TBC1D20: variants seen among roughly 807,000 people sequenced by gnomAD.
TBC1D20 encodes the protein chromosome 20 open reading frame 140.
In TBC1D20, 12 loss-of-function variants were observed where a neutral mutation model predicts 41.6. The ratio of observed to expected loss-of-function variants is 0.29; its 90% CI spans 0.18 to 0.47. The LOEUF (loss-of-function observed/expected upper bound fraction) is 0.47. Ranked by LOEUF, TBC1D20 falls within the 20% of genes least tolerant of loss-of-function variation. The pLI is 1.00. For missense variants in TBC1D20, 421 were observed against 517.4 expected (o/e 0.81, Z 1.81); for synonymous variants, 205 against 204.8 (o/e 1.00, Z -0.01).
intron 2 of TBC1D20, 52 bp from the exon 3 acceptor site, chr20:445,182 G>C: frequency 7.1e-7 from 1 of 1,401,664 alleles, no homozygotes; most frequent in Non-Finnish European, 9.9e-7. Flanking sequence ...AGCCAGACCA[G>C]AAGCAAAACA....
At chr20:444,566 T>G (rs6139189) in intron 3 of TBC1D20, among the ~76,000 whole-genome samples, 1 of 50,040 alleles carries the variant, frequency 2.0e-5, no homozygotes. Context: ...TTGTTTGTTT[T>G]GTTTTTATTT....
chr20:441,528 AGGTGTGGGGG>A (rs2017228473), intron 5 of TBC1D20, 50 bp downstream of exon 5: 1 of 1,411,910 alleles, frequency 7.1e-7, no homozygotes, highest in East Asian at 2.3e-5. Context: ...GGAGTGTTTC[AGGTGTGGGGG>A]GGTGTGGGCG....
intron 1 of TBC1D20, among the ~76,000 whole-genome samples, chr20:455,793 G>A (rs971154410): frequency 5.3e-5 from 8 of 151,798 alleles, no homozygotes; most frequent in African/African-American, 1.7e-4. Context: ...TTAGCCAGGC[G>A]TGGTGGCAGG....
rs144255508 is a variant in TBC1D20, at chr20:460,542, A to G, written c.70+1794T>C. Among the ~76,000 whole-genome samples, 1,365 of 152,274 alleles carry G rather than the reference A, an allele frequency of 9.0e-3. 13 individuals are homozygous for G. Among genetic ancestry groups the G allele is most frequent in the Non-Finnish European group, 0.012 (850 of 68,022 alleles). On this transcript the variant is annotated intron_variant, in intron 1 of 7. Coordinates refer to ENST00000354200, the MANE Select transcript of TBC1D20 (RefSeq NM_144628.4). ...GTAAGAGTTCTATTAAACACAAAATAAAACAAACTAGCCTCTGTTTCTGGA... is the reference window on the plus strand; with the variant it reads ...GTAAGAGTTCTATTAAACACAAAATGAAACAAACTAGCCTCTGTTTCTGGA...
intron 1 of TBC1D20, among the ~76,000 whole-genome samples, chr20:461,278 G>C (rs1199021985): frequency 6.6e-6 from 1 of 152,142 alleles, no homozygotes; most frequent in Non-Finnish European, 1.5e-5. Context: ...AAACATTTGA[G>C]AACATCATGT....
intron 1 of TBC1D20, among the ~76,000 whole-genome samples, chr20:448,553 G>A (rs989398932): frequency 4.6e-5 from 7 of 151,814 alleles, no homozygotes; most frequent in African/African-American, 1.5e-4. Context: ...GCTGGGCATC[G>A]TGGTGCTCGC....
intron 1 of TBC1D20, among the ~76,000 whole-genome samples, chr20:448,386 T>G (rs2017377246): frequency 6.6e-6 from 1 of 152,110 alleles, no homozygotes; most frequent in South Asian, 2.1e-4. Flanking sequence ...TATTAGTTGT[T>G]GTTGTTTTTA....
In TBC1D20 at chr20:447,874, C is replaced by G; in HGVS notation, c.256+15G>C. 1 of 1,591,178 alleles carries G rather than the reference C, an allele frequency of 6.3e-7. No individual in the cohort carries two copies. Among genetic ancestry groups the G allele is most frequent in the Non-Finnish European group, 8.6e-7 (1 of 1,164,894 alleles). ...CTAGATAAGCTCCCCTCACAGCCTC[C>G]CCCACTCCCCTTACCTGATATAGGA... On this transcript the variant is annotated intron_variant, in intron 2 of 7. Transcript: ENST00000354200.
chr20:456,226 T>C (rs575482190), intron 1 of TBC1D20, among the ~76,000 whole-genome samples: 10 of 152,142 alleles, frequency 6.6e-5, no homozygotes, highest in Admixed American at 1.3e-4. Context: ...GCCTGGGTGA[T>C]AGAGTAAGAC....
chr20:454,831 C>T (rs1025564659), intron 1 of TBC1D20, among the ~76,000 whole-genome samples: 2 of 152,072 alleles, frequency 1.3e-5, no homozygotes, highest in Non-Finnish European at 1.5e-5. Context: ...GCTGCCACCA[C>T]ACCTAGCTAA....
chr20:452,322 CAAAA>C (rs970113332), intron 1 of TBC1D20, among the ~76,000 whole-genome samples: 1 of 151,174 alleles, frequency 6.6e-6, no homozygotes, highest in African/African-American at 2.4e-5. Context: ...AACAAACAAA[CAAAA>C]AAAAGTGTAC....
chr20:448,796 T>C (rs1247988131), intron 1 of TBC1D20, among the ~76,000 whole-genome samples: 1 of 150,710 alleles, frequency 6.6e-6, no homozygotes, highest in Non-Finnish European at 1.5e-5. Flanking sequence ...CAGCTGGGAC[T>C]ACAGGTGCAT....
chr20:448,793 G>GACTA (rs2017387193), intron 1 of TBC1D20, among the ~76,000 whole-genome samples: 1 of 151,076 alleles, frequency 6.6e-6, no homozygotes, highest in Admixed American at 6.6e-5. Context: ...AAACAGCTGG[G>GACTA]ACTACAGGTG....
At position 439,157 on chromosome 20, in the gene TBC1D20, G is replaced by A. The variant is rs1202079638; in HGVS notation, c.907C>T (p.Pro303Ser). The A allele has an allele frequency of 6.2e-7, 1 of 1,614,134 alleles. No homozygotes were observed. The highest frequency in any genetic ancestry group is 1.1e-5 in the South Asian group (1 of 91,068). ...GCCTCCCGAGCAAGTTCGGATGGGG[G>A]AAACTGAACAAAAAGGTCTCCTGCT... ...SRAGDLFVQF[P>S]PSELAREAAA... The change falls in exon 7 of 8, where the codon CCC becomes TCC. Residue 303 changes from proline to serine, a missense_variant. Physicochemically the swap from Pro to Ser is moderately conservative, Grantham distance 74. Transcript: ENST00000354200. This position sits in a 1 kb window ranked among gnomAD's most constrained non-coding sequence, Gnocchi z 4.6.
rs1213230768 is a variant in TBC1D20 at position 438,210 on chromosome 20, T to G, written c.*376A>C. On this transcript the variant is annotated 3_prime_UTR_variant, in exon 8 of 8. Coordinates refer to ENST00000354200, the MANE Select transcript of TBC1D20 (RefSeq NM_144628.4). ...GCAGGAGCAGTAAGAGGGCATCCCA[T>G]GTTCCAGTTCACCTTCTATGGGGTG... is the stretch of plus-strand genomic sequence containing the variant. 9.9e-6 allele frequency: 2 copies of G among 201,156 alleles called. No homozygotes were observed. Among genetic ancestry groups the G allele is most frequent in the Admixed American group, 1.0e-4 (2 of 19,106 alleles). The allele number at this position is 201,156 out of a possible 1,614,324, so 12.5% of individuals were successfully genotyped here.
intron 1 of TBC1D20, among the ~76,000 whole-genome samples, chr20:460,981 G>A (rs1038946218): frequency 4.6e-5 from 7 of 152,126 alleles, no homozygotes; most frequent in African/African-American, 1.7e-4. Context: ...AAAGGGTTAC[G>A]GTGCCAAAGG....
intron 1 of TBC1D20, among the ~76,000 whole-genome samples, chr20:448,829 T>A (rs1169146284): frequency 2.7e-5 from 4 of 149,070 alleles, no homozygotes; most frequent in Non-Finnish European, 4.4e-5. Context: ...GGTCCAGAAA[T>A]AATTACACGT....
chr20:438,909 C>T, intron 7 of TBC1D20, 68 bp from the exon 8 acceptor site: 1 of 1,580,108 alleles, frequency 6.3e-7, no homozygotes, highest in Admixed American at 1.7e-5. Context: ...AACTACACCA[C>T]ATAGGCTGCG....
chr20:449,579 A>C (rs1020619620), intron 1 of TBC1D20, among the ~76,000 whole-genome samples: 1 of 152,002 alleles, frequency 6.6e-6, no homozygotes, highest in African/African-American at 2.4e-5. Flanking sequence ...CTGGGCGACA[A>C]AGTGAGACTC....
Sources: gnomAD v4.1 joint callset for allele counts (sites outside exome capture counted in the v4.1 genomes callset) on GRCh38, gnomAD v4.1.1 for gene constraint, Gnocchi (gnomAD v3.1) non-coding constraint, MANE v1.5 for transcripts, NCBI Gene and HGNC (gene_info 2026-07-23, HGNC 2026-07-21) for gene names.